TMEM135: variants seen among roughly 807,000 people sequenced by gnomAD.
TMEM135 encodes the protein transmembrane protein 135, also known as peroxisomal membrane protein 52.
TMEM135 carries 30 observed loss-of-function variants against 60.3 expected under a neutral mutation model. The observed-to-expected ratio is 0.50, with a 90% CI of 0.37 to 0.68. TMEM135 has a LOEUF of 0.68. Ranked by LOEUF, TMEM135 falls within the 30% of genes least tolerant of loss-of-function variation. The probability of loss-of-function intolerance (pLI) is 0.00; values close to 1 mark genes in which losing one functional copy is unlikely to be tolerated. For missense variants in TMEM135, 468 were observed against 548.8 expected (o/e 0.85, Z 1.47); for synonymous variants, 190 against 186.7 (o/e 1.02, Z -0.14).
At chr11:87,242,669 G>C (rs1416095124) in intron 6 of TMEM135, among the ~76,000 whole-genome samples, 3 of 143,298 alleles carry the variant, frequency 2.1e-5, no homozygotes, top group Non-Finnish European at 3.1e-5. Context: ...AGTGTCTGTT[G>C]ATATCCTTTG....
intron 5 of TMEM135, among the ~76,000 whole-genome samples, chr11:87,220,373 C>CT (rs1247860790): frequency 6.6e-6 from 1 of 152,200 alleles, no homozygotes; most frequent in African/African-American, 2.4e-5. Context: ...TAGAAATACT[C>CT]TTCAGGATTT....
chr11:87,216,384 G>A (rs1805540827), intron 5 of TMEM135, among the ~76,000 whole-genome samples: 1 of 152,056 alleles, frequency 6.6e-6, no homozygotes, highest in African/African-American at 2.4e-5. Flanking sequence ...AGCAAGTGCA[G>A]GGGAGAGGGT....
In TMEM135 at chr11:87,202,783, A is replaced by G. The variant is rs1198473814; in HGVS notation, c.463-33855A>G. On this transcript the variant is annotated intron_variant, in intron 5 of 14. Transcript: ENST00000305494. The stretch of plus-strand genomic sequence containing the variant: ...CACGGTGGCTCAAGCCTCTAATCCC[A>G]GCACTTTGGGAGGCCGAGGCGGGCG... 2.7e-5 allele frequency among the ~76,000 whole-genome samples: 4 copies of G among 150,942 alleles called. No homozygotes were observed. The East Asian group carries it at 7.8e-4, about 29-fold the overall frequency.
chr11:87,057,558 G>A (rs188639960), intron 1 of TMEM135, among the ~76,000 whole-genome samples: 1 of 152,126 alleles, frequency 6.6e-6, no homozygotes, highest in Non-Finnish European at 1.5e-5. Context: ...AAGTAGAAGA[G>A]AATCTTGCCT....
chr11:87,064,767 C>G (rs1422105687), intron 1 of TMEM135, among the ~76,000 whole-genome samples: 2 of 152,098 alleles, frequency 1.3e-5, no homozygotes, highest in Non-Finnish European at 2.9e-5. Flanking sequence ...GCCTGTAATC[C>G]CTGCTACTTG....
At chr11:87,120,396 C>T (rs1565449358) in intron 4 of TMEM135, among the ~76,000 whole-genome samples, 1 of 150,756 alleles carries the variant, frequency 6.6e-6, no homozygotes, top group African/African-American at 2.4e-5. Flanking sequence ...TCATGAACCA[C>T]TGTTCTGGAC....
chr11:87,252,326 A>G (rs1360380840), intron 6 of TMEM135, among the ~76,000 whole-genome samples: 2 of 152,116 alleles, frequency 1.3e-5, no homozygotes, highest in African/African-American at 4.8e-5. Context: ...AAAAATTATT[A>G]TAAATGATTA....
intron 5 of TMEM135, among the ~76,000 whole-genome samples, chr11:87,210,275 T>G (rs765162173): frequency 6.6e-5 from 10 of 152,150 alleles, no homozygotes; most frequent in African/African-American, 2.4e-4. Context: ...CTAGCTAGAT[T>G]AATAAAGAAA....
chr11:87,040,147 A>C (rs1949738252), intron 1 of TMEM135, among the ~76,000 whole-genome samples: 1 of 152,194 alleles, frequency 6.6e-6, no homozygotes, highest in Admixed American at 6.5e-5. Flanking sequence ...TTTATTTTAT[A>C]TTAGTGAAAT....
At chr11:87,258,827 G>A (rs1941584734) in intron 6 of TMEM135, 2 of 683,766 alleles carry the variant, frequency 2.9e-6, no homozygotes, top group Non-Finnish European at 5.2e-6. Context: ...CACGGAGACA[G>A]CTCATATACG....
In TMEM135 at chr11:87,328,673, T is replaced by G. The variant is rs998063609; in HGVS notation, c.*7340T>G. The stretch of plus-strand genomic sequence containing the variant: ...TCCAAGATGCTGCAAAAGACATTAT[T>G]TCATCTTTTATTTTTTATGGCTGAG... On this transcript the variant is annotated 3_prime_UTR_variant, in exon 15 of 15. Coordinates refer to ENST00000305494, the MANE Select transcript of TMEM135 (RefSeq NM_022918.4). 2.2e-5 allele frequency: 10 copies of G among 453,982 alleles called. No individual in the cohort carries two copies. Among genetic ancestry groups the G allele is most frequent in the African/African-American group, 1.6e-4 (8 of 50,010 alleles). The allele number at this position is 453,982 out of a possible 1,614,324, so 28.1% of individuals were successfully genotyped here.
chr11:87,251,619 ATG>A lies in TMEM135; in HGVS notation c.509+14937_509+14938del, dbSNP rs767244135. Among the ~76,000 whole-genome samples, 73 of 151,574 alleles carry A rather than the reference ATG, an allele frequency of 4.8e-4. 1 individual carries two copies. Among genetic ancestry groups the A allele is most frequent in the African/African-American group, 1.3e-3 (53 of 41,260 alleles). ...ATTATGATTATGTTACCATATATAC[ATG>A]TATATATATGTATATAAATTTCCCA... On this transcript the variant is annotated intron_variant, in intron 6 of 14. Transcript: ENST00000305494.
intron 1 of TMEM135, among the ~76,000 whole-genome samples, chr11:87,066,085 G>C (rs1433835436): frequency 6.6e-6 from 1 of 152,172 alleles, no homozygotes; most frequent in Non-Finnish European, 1.5e-5. Context: ...GAAGAATTGA[G>C]AAGATGCCAT....
intron 4 of TMEM135, among the ~76,000 whole-genome samples, chr11:87,099,039 T>C (rs1857393739): frequency 6.6e-6 from 1 of 152,182 alleles, no homozygotes; most frequent in Non-Finnish European, 1.5e-5. Flanking sequence ...TTTTCTTATG[T>C]TTTCAAGAAA....
rs1051438832 is a variant in TMEM135 at position 87,324,169 on chromosome 11, G to A, written c.*2836G>A. On this transcript the variant is annotated 3_prime_UTR_variant, in exon 15 of 15. Transcript: ENST00000305494. ...ATTTCATTTAGTTGTTAATGCTGAC[G>A]TAATTGTTTCCTGCTTATATTTTAT... The A allele has an allele frequency of 1.5e-4, 66 of 453,864 alleles. No individual in the cohort carries two copies. Among genetic ancestry groups the A allele is most frequent in the African/African-American group, 1.1e-3 (54 of 49,952 alleles). The allele number at this position is 453,864 out of a possible 1,614,324, so 28.1% of individuals were successfully genotyped here. A position where few individuals can be genotyped will look rare whatever the true frequency, so the allele number is the denominator to read the frequency against.
At chr11:87,109,209 TG>T (rs2135195831) in intron 4 of TMEM135, among the ~76,000 whole-genome samples, 1 of 152,316 alleles carries the variant, frequency 6.6e-6, no homozygotes, top group South Asian at 2.1e-4. Flanking sequence ...ATTGTAAAGT[TG>T]TCCCCCTTTA....
In TMEM135 at chr11:87,062,417, GCCCCCCC is replaced by G. The variant is rs71040291; in HGVS notation, c.142-5268_142-5262del. On this transcript the variant is annotated intron_variant, in intron 1 of 14. Coordinates refer to ENST00000305494, the MANE Select transcript of TMEM135 (RefSeq NM_022918.4). ...GGGGTCAAAGAACATTTCCCCCCAA[GCCCCCCC>G]CCCCCCCCGCATAGATGTCCAATTC... 7.5e-3 allele frequency among the ~76,000 whole-genome samples: 2 copies of G among 266 alleles called. 1 individual carries two copies. The highest frequency in any genetic ancestry group is 0.048 in the African/African-American group (2 of 42). The allele number at this position is 266 out of a possible 152,430, so 0.2% of individuals were successfully genotyped here. A position where few individuals can be genotyped will look rare whatever the true frequency, so the allele number is the denominator to read the frequency against.
At chr11:87,198,311 G>A (rs993439216) in intron 5 of TMEM135, among the ~76,000 whole-genome samples, 1 of 152,078 alleles carries the variant, frequency 6.6e-6, no homozygotes, top group South Asian at 2.1e-4. Context: ...TTTCAGATCT[G>A]TTGTTTTTGG....
At chr11:87,095,799 A>C (rs1365835739) in intron 4 of TMEM135, 1 of 152,600 alleles carries the variant, frequency 6.6e-6, no homozygotes, top group Non-Finnish European at 1.5e-5. Context: ...ACACAGTAAA[A>C]CTCCGTCTCT....
Sources: gnomAD v4.1 joint callset for allele counts (sites outside exome capture counted in the v4.1 genomes callset) on GRCh38, gnomAD v4.1.1 for gene constraint, MANE v1.5 for transcripts, NCBI Gene and HGNC (gene_info 2026-07-23, HGNC 2026-07-21) for gene names.